Variants in GPR19 observed in about 807,000 individuals in gnomAD.
GPR19 encodes G protein-coupled receptor 19.
Under a neutral mutation model 28.5 loss-of-function variants are expected in GPR19, and 14 were observed. That is an observed-to-expected ratio of 0.49 (90% CI 0.32 to 0.77). The LOEUF (loss-of-function observed/expected upper bound fraction) is 0.77, where lower values mean the gene tolerates loss of function less well. Ranked by LOEUF, GPR19 falls within the 30% of genes least tolerant of loss-of-function variation. GPR19 has a pLI of 0.03. For missense variants in GPR19, 409 were observed against 504.1 expected (o/e 0.81, Z 1.81); for synonymous variants, 173 against 184.1 (o/e 0.94, Z 0.49).
chr12:12,715,759 A>G, the GPR19 span: 3 of 152,338 alleles, frequency 2.0e-5, no homozygotes, highest in African/African-American at 7.2e-5. Flanking sequence ...TACCAACCGA[A>G]TGCATGTCCC....
Position 12,662,096 on chromosome 12 carries a change from C to T in GPR19, c.353G>A (p.Ser118Asn). The T allele has an allele frequency of 6.2e-7, 1 of 1,614,202 alleles. No individual in the cohort carries two copies. The change falls in exon 4 of 4, where the codon AGC (serine) becomes AAC (asparagine). Residue 118 changes from serine (S) to asparagine (N), a missense_variant. Coordinates refer to ENST00000651487, the MANE Select transcript of GPR19 (RefSeq NM_006143.3). ...GAACTGGAGCAGGACGAAAGGCGTG[C>T]TGGCAACGCTGATGAGAAGGTCAGC... ...ACADLLISVA[S>N]TPFVLLQFTT...
intron 3 of GPR19, among the ~76,000 whole-genome samples, chr12:12,677,204 ATT>A (rs765786361): frequency 0.044 from 5,920 of 133,424 alleles, 116 homozygotes; most frequent in East Asian, 0.16. Flanking sequence ...GCAGATGTTA[ATT>A]TTTTTTTTTT....
At chr12:12,678,634 C>T (rs7299416) in intron 3 of GPR19, among the ~76,000 whole-genome samples, 83,501 of 152,040 alleles carry the variant, frequency 0.55, 23,457 homozygotes, top group South Asian at 0.61. Flanking sequence ...CAAAGTTTCA[C>T]GGCCTGCCCC....
the GPR19 span, among the ~76,000 whole-genome samples, chr12:12,704,810 G>T: frequency 6.6e-6 from 1 of 152,170 alleles, no homozygotes; most frequent in Non-Finnish European, 1.5e-5. Context: ...CCGAATTGGG[G>T]GAGGGTAGTC....
At chr12:12,695,745 C>T (rs904516816) in intron 1 of GPR19, among the ~76,000 whole-genome samples, 1 of 152,206 alleles carries the variant, frequency 6.6e-6, no homozygotes, top group African/African-American at 2.4e-5. Flanking sequence ...TAAGTTCACA[C>T]TCTTTTAAGA....
At chr12:12,691,299 G>A (rs16908341) in intron 2 of GPR19, among the ~76,000 whole-genome samples, 8,189 of 152,162 alleles carry the variant, frequency 0.054, 697 homozygotes, top group African/African-American at 0.19. Flanking sequence ...CTAAAATTCC[G>A]TTAACTTTCC....
chr12:12,679,455 G>A (rs928540921), intron 3 of GPR19, among the ~76,000 whole-genome samples: 4 of 151,012 alleles, frequency 2.6e-5, no homozygotes, highest in South Asian at 2.1e-4. Context: ...AAAATTAGCC[G>A]GGCATGGTGG....
At chr12:12,672,704 A>G (rs1945871876) in intron 3 of GPR19, among the ~76,000 whole-genome samples, 1 of 152,068 alleles carries the variant, frequency 6.6e-6, no homozygotes, top group Admixed American at 6.6e-5. Context: ...CCAAGATTGT[A>G]CTACTGCACT....
the GPR19 span, among the ~76,000 whole-genome samples, chr12:12,713,639 T>G: frequency 6.6e-6 from 1 of 152,280 alleles, no homozygotes; most frequent in African/African-American, 2.4e-5. Flanking sequence ...TTCAAGTCAT[T>G]ATCCTGCCTC....
intron 3 of GPR19, among the ~76,000 whole-genome samples, chr12:12,671,874 G>C (rs1265603251): frequency 6.6e-6 from 1 of 151,880 alleles, no homozygotes; most frequent in East Asian, 1.9e-4. Context: ...ATTTTTTTCA[G>C]TTTTATATTT....
chr12:12,685,998 G>A (rs1039019702), intron 2 of GPR19, among the ~76,000 whole-genome samples: 6 of 152,170 alleles, frequency 3.9e-5, no homozygotes, highest in Admixed American at 1.3e-4. Flanking sequence ...AATGTGAGTT[G>A]TCAAATTATT....
chr12:12,673,319 GC>G (rs1945879988), intron 3 of GPR19, among the ~76,000 whole-genome samples: 1 of 152,202 alleles, frequency 6.6e-6, no homozygotes, highest in Non-Finnish European at 1.5e-5. Flanking sequence ...GGGCCTGACT[GC>G]CTCTCTGCTT....
the GPR19 span, chr12:12,716,848 C>G: frequency 4.1e-6 from 4 of 982,336 alleles, no homozygotes; most frequent in Non-Finnish European, 4.8e-6. Flanking sequence ...GGGGGGGCGC[C>G]CAGCCCCCCC....
chr12:12,687,531 C>T (rs538465300), intron 2 of GPR19, among the ~76,000 whole-genome samples: 1 of 152,340 alleles, frequency 6.6e-6, no homozygotes, highest in East Asian at 1.9e-4. Context: ...TTGGTTTCCA[C>T]TTAGCTTTTC....
intron 3 of GPR19, among the ~76,000 whole-genome samples, chr12:12,682,911 G>C (rs1861986808): frequency 6.6e-6 from 1 of 152,106 alleles, no homozygotes; most frequent in African/African-American, 2.4e-5. Flanking sequence ...ATTTGCAAAA[G>C]ATACCTATTC....
chr12:12,662,176 A>G lies in GPR19; in HGVS notation c.273T>C (p.His91=), dbSNP rs749070954. The G allele has an allele frequency of 5.0e-6, 8 of 1,614,256 alleles. No homozygotes were observed. The highest frequency in any genetic ancestry group is 6.8e-6 in the Non-Finnish European group (8 of 1,180,042). ...TGGTAGACTGAGTCCTCCTACTCCT[A>G]TGGATGACCAAACAAACCAGGGAAT... ...FGNSLVCLVI[H]RSRRTQSTTN... Residue 91 remains histidine (H), a synonymous_variant, in exon 4 of 4, where the codon CAT becomes CAC. Transcript: ENST00000651487.
At chr12:12,669,726 C>T (rs567541766) in intron 3 of GPR19, among the ~76,000 whole-genome samples, 6 of 152,222 alleles carry the variant, frequency 3.9e-5, no homozygotes, top group South Asian at 4.2e-4. Flanking sequence ...AACATTTACC[C>T]GCACACCACT....
At chr12:12,665,985 G>A (rs1402393953) in intron 3 of GPR19, among the ~76,000 whole-genome samples, 1 of 152,146 alleles carries the variant, frequency 6.6e-6, no homozygotes, top group East Asian at 1.9e-4. Context: ...CGGGTAAGGG[G>A]AAGAAAAGGA....
Position 12,692,756 on chromosome 12 carries a change from C to A in GPR19, c.-180+2703G>T, listed in dbSNP as rs534833128. Among the ~76,000 whole-genome samples, 185 of 151,552 alleles carry A rather than the reference C, an allele frequency of 1.2e-3. 1 individual carries two copies. The highest frequency in any genetic ancestry group is 4.4e-3 in the African/African-American group (183 of 41,288). ...GCCCCTTTCTCCTTTGCTTTCTGAG[C>A]AAAAGTACTACTGGCCTCCAGCAGC... is the stretch of plus-strand genomic sequence containing the variant. On this transcript the variant is annotated intron_variant, in intron 2 of 3. Transcript: ENST00000651487.
Sources: allele counts gnomAD v4.1 joint callset (sites outside exome capture counted in the v4.1 genomes callset), GRCh38; gene constraint gnomAD v4.1.1; transcripts MANE v1.5; gene names NCBI Gene and HGNC (gene_info 2026-07-23, HGNC 2026-07-21).